The following MYO16 variants were observed in gnomAD, a reference collection of about 807,000 sequenced individuals.
The protein encoded by MYO16 is unconventional myosin-XVI.
MYO16 carries 94 observed loss-of-function variants against 205.3 expected under a neutral mutation model. The ratio of observed to expected loss-of-function variants is 0.46; its 90% confidence interval spans 0.39 to 0.54. MYO16 has a LOEUF of 0.54. Among genes scored for constraint, MYO16 ranks in the 20% least tolerant of loss-of-function variants. MYO16 has a pLI of 0.00. For synonymous variants in MYO16, 988 were observed against 954.0 expected (o/e 1.04, Z -0.66); for missense variants, 2,315 against 2,387.5 (o/e 0.97, Z 0.63).
At chr13:109,111,361 A>G (rs1306664806) in intron 28 of MYO16, among the ~76,000 whole-genome samples, 1 of 152,218 alleles carries the variant, frequency 6.6e-6, no homozygotes, top group Non-Finnish European at 1.5e-5. Context: ...TGTTGTTCAT[A>G]TCACCATCAA....
chr13:108,925,110 A>G (rs1467471341), intron 16 of MYO16, among the ~76,000 whole-genome samples: 3 of 152,038 alleles, frequency 2.0e-5, no homozygotes, highest in Non-Finnish European at 2.9e-5. Flanking sequence ...AGGCACCCAG[A>G]GCCAAGGGAA....
chr13:108,815,301 C>A (rs1850122978), intron 7 of MYO16, among the ~76,000 whole-genome samples: 1 of 152,108 alleles, frequency 6.6e-6, no homozygotes, highest in Non-Finnish European at 1.5e-5. Flanking sequence ...TATTACAAGG[C>A]TAAATAAAGA....
At chr13:108,964,948 A>T (rs1883733339) in intron 20 of MYO16, 46 bp downstream of exon 20, 1 of 1,590,306 alleles carries the variant, frequency 6.3e-7, no homozygotes, top group Admixed American at 1.8e-5. Flanking sequence ...ACTGTAATAA[A>T]TAACTTAAAG....
intron 28 of MYO16, among the ~76,000 whole-genome samples, chr13:109,104,107 G>C (rs1203138200): frequency 6.6e-6 from 1 of 152,178 alleles, no homozygotes; most frequent in African/African-American, 2.4e-5. Context: ...ACTAGGTGCA[G>C]TTAATATTCA....
At chr13:109,134,851 G>A (rs1050802009) in intron 31 of MYO16, among the ~76,000 whole-genome samples, 3 of 152,120 alleles carry the variant, frequency 2.0e-5, no homozygotes, top group South Asian at 2.1e-4. Context: ...ATACTGTGGT[G>A]GCCAAGGTGT....
At chr13:109,058,834 A>G (rs1472713247) in intron 27 of MYO16, among the ~76,000 whole-genome samples, 1 of 152,198 alleles carries the variant, frequency 6.6e-6, no homozygotes, top group Non-Finnish European at 1.5e-5. Context: ...ACGTCTTTCA[A>G]AATTCGAGTC....
rs1158879237 is a variant in MYO16 at position 108,972,249 on chromosome 13, CTATATATATATATA to C, written c.2369+7365_2369+7378del. Reference sequence around the variant, plus strand: ...TCTCTCTCTCTCTCTCTCTCTCTCTCTATATATATATATATATATATATATATATATTTACCAGC... The same window carrying C: ...TCTCTCTCTCTCTCTCTCTCTCTCTCTATATATATATATATATTTACCAGC... On this transcript the variant is annotated intron_variant, in intron 20 of 34. Transcript: ENST00000457511. Among the ~76,000 whole-genome samples, 7 of 2,850 alleles carry C rather than the reference CTATATATATATATA, an allele frequency of 2.5e-3. 1 individual carries two copies. The highest frequency in any genetic ancestry group is 0.014 in the South Asian group (1 of 70). 1.9% of individuals were successfully genotyped at this position (2,850 alleles called of 152,430 possible). A position where few individuals can be genotyped will look rare whatever the true frequency, so the allele number is the denominator to read the frequency against.
upstream of MYO16, among the ~76,000 whole-genome samples, chr13:108,592,802 C>T (rs530078011): frequency 8.0e-5 from 12 of 150,916 alleles, no homozygotes; most frequent in Admixed American, 2.0e-4. Context: ...AGCTTTGATA[C>T]GAGCACAGGG....
At chr13:108,504,497 C>T in the MYO16 span, among the ~76,000 whole-genome samples, 2 of 151,932 alleles carry the variant, frequency 1.3e-5, no homozygotes, top group South Asian at 4.1e-4. Flanking sequence ...CTGTATTTCC[C>T]TTATAACTCA....
chr13:108,785,834 C>T lies in MYO16; in HGVS notation c.616+91C>T, dbSNP rs184903440. ...TTCACAGGTTTGCTTACATGATTTC[C>T]GATGGATGTAGTTTCCGCACGTGGT... On this transcript the variant is annotated intron_variant, in intron 5 of 34. Coordinates refer to ENST00000457511, the MANE Select transcript of MYO16 (RefSeq NM_001198950.3). The T allele has an allele frequency of 1.2e-3, 988 of 835,526 alleles. 7 individuals carry two copies. The highest frequency in any genetic ancestry group is 3.3e-4 in the East Asian group (13 of 38,942). 51.8% of individuals were successfully genotyped at this position (835,526 alleles called of 1,614,324 possible).
chr13:108,657,853 A>T (rs1484563072), intron 1 of MYO16, among the ~76,000 whole-genome samples: 3 of 152,022 alleles, frequency 2.0e-5, no homozygotes, highest in Non-Finnish European at 4.4e-5. Flanking sequence ...TAAGACCTTC[A>T]TTTTGAGGTA....
chr13:108,861,326 A>G (rs963484689), intron 11 of MYO16, among the ~76,000 whole-genome samples: 10 of 152,228 alleles, frequency 6.6e-5, no homozygotes, highest in African/African-American at 1.7e-4. Context: ...TGTTTCTAAT[A>G]TTCAGCTATA....
chr13:108,942,502 T>TA (rs1002147339), intron 16 of MYO16, among the ~76,000 whole-genome samples: 5 of 152,022 alleles, frequency 3.3e-5, no homozygotes, highest in East Asian at 1.9e-4. Flanking sequence ...TTTCAGTGTT[T>TA]AAAAAAAACT....
intron 33 of MYO16, among the ~76,000 whole-genome samples, chr13:109,178,593 T>C (rs1339801212): frequency 1.3e-5 from 2 of 152,196 alleles, no homozygotes; most frequent in African/African-American, 4.8e-5. Context: ...TTTTGTTGGG[T>C]TCTTATTTCT....
chr13:109,070,325 A>G (rs9301340), intron 27 of MYO16, among the ~76,000 whole-genome samples: 76,024 of 152,048 alleles, frequency 0.5, 19,040 homozygotes, highest in Middle Eastern at 0.55. Flanking sequence ...CTTCCACTGT[A>G]TGCCCATCGC....
chr13:108,740,378 G>A (rs1208723568), intron 4 of MYO16, among the ~76,000 whole-genome samples: 1 of 152,188 alleles, frequency 6.6e-6, no homozygotes, highest in Admixed American at 6.5e-5. Context: ...TTGCAGGTCT[G>A]TTGGAGTTTG....
At chr13:108,781,700 G>A (rs1325009117) in intron 4 of MYO16, among the ~76,000 whole-genome samples, 4 of 132,754 alleles carry the variant, frequency 3.0e-5, no homozygotes, top group Non-Finnish European at 5.1e-5. Flanking sequence ...ATCTCAATTT[G>A]AATTGTATCT....
At chr13:109,038,005 G>C (rs1265373329) in intron 23 of MYO16, among the ~76,000 whole-genome samples, 1 of 123,830 alleles carries the variant, frequency 8.1e-6, no homozygotes, top group Non-Finnish European at 2.0e-5. Flanking sequence ...GAGGAAAGTA[G>C]GGAGTACAAT....
intron 27 of MYO16, among the ~76,000 whole-genome samples, chr13:109,066,071 C>A (rs771093150): frequency 1.3e-5 from 2 of 152,114 alleles, no homozygotes; most frequent in Non-Finnish European, 2.9e-5. Context: ...ACAGTTGTTG[C>A]TGAAAAGCCT....
Sources: gnomAD v4.1 joint callset for allele counts (sites outside exome capture counted in the v4.1 genomes callset) on GRCh38, gnomAD v4.1.1 for gene constraint, MANE v1.5 for transcripts, NCBI Gene and HGNC (gene_info 2026-07-23, HGNC 2026-07-21) for gene names.